FNBP1: variants seen among roughly 807,000 people sequenced by gnomAD.
The protein encoded by FNBP1 is formin-binding protein 1.
A neutral mutation model predicts 90.6 loss-of-function variants in FNBP1; 26 were observed. That is an observed-to-expected ratio of 0.29 (90% CI 0.21 to 0.40). The LOEUF (loss-of-function observed/expected upper bound fraction) is 0.40. Among genes scored for constraint, FNBP1 ranks in the 10% least tolerant of loss-of-function variants. The pLI is 1.00. For synonymous variants in FNBP1, 260 were observed against 265.2 expected, an observed-to-expected ratio of 0.98 and a Z score of 0.19; for missense variants, 635 against 768.0, an observed-to-expected ratio of 0.83 and a Z score of 2.05.
intron 1 of FNBP1, among the ~76,000 whole-genome samples, chr9:130,032,056 C>A (rs1230380614): frequency 6.6e-6 from 1 of 152,088 alleles, no homozygotes; most frequent in African/African-American, 2.4e-5. Flanking sequence ...CAAAAATGGC[C>A]GTAACAAGAA....
intron 1 of FNBP1, among the ~76,000 whole-genome samples, chr9:130,013,083 G>GT (rs1293240765): frequency 6.6e-6 from 1 of 152,170 alleles, no homozygotes; most frequent in Non-Finnish European, 1.5e-5. Flanking sequence ...GAAGATATTT[G>GT]TAACACATAT....
chr9:129,932,247 TGAAAGAGAAA>T (rs2042879203), intron 6 of FNBP1, among the ~76,000 whole-genome samples: 1 of 139,692 alleles, frequency 7.2e-6, no homozygotes, highest in African/African-American at 2.7e-5. Flanking sequence ...AACAAACGAA[TGAAAGAGAAA>T]GAAAGAGAAA....
At chr9:129,997,001 T>A (rs2131352032) in intron 1 of FNBP1, among the ~76,000 whole-genome samples, 1 of 150,882 alleles carries the variant, frequency 6.6e-6, no homozygotes. Context: ...GGCCGGCCTG[T>A]TTTTTTTTAA....
chr9:129,937,029 G>T (rs775850445), intron 6 of FNBP1, among the ~76,000 whole-genome samples: 2 of 152,036 alleles, frequency 1.3e-5, no homozygotes, highest in African/African-American at 2.4e-5. Flanking sequence ...AATTAGCTAG[G>T]CATGGTGGCA....
intron 4 of FNBP1, among the ~76,000 whole-genome samples, chr9:129,974,580 C>T (rs1264852068): frequency 6.6e-6 from 1 of 152,164 alleles, no homozygotes; most frequent in East Asian, 1.9e-4. Flanking sequence ...AAAAAACAGG[C>T]CAGGCATGGG....
intron 2 of FNBP1, among the ~76,000 whole-genome samples, 151 bp from the exon 3 acceptor site, chr9:129,979,525 G>A (rs1396886769): frequency 6.6e-6 from 1 of 152,198 alleles, no homozygotes; most frequent in Non-Finnish European, 1.5e-5. Flanking sequence ...TTCAACATGT[G>A]TGATGAAGCT....
intron 7 of FNBP1, among the ~76,000 whole-genome samples, chr9:129,928,927 TA>T (rs1366536310): frequency 6.6e-6 from 1 of 151,750 alleles, no homozygotes; most frequent in Non-Finnish European, 1.5e-5. Flanking sequence ...CCTATCTCTA[TA>T]AAAAATTTAA....
At chr9:130,020,705 G>A (rs633623) in intron 1 of FNBP1, among the ~76,000 whole-genome samples, 143,677 of 152,294 alleles carry the variant, frequency 0.94, 67,845 homozygotes, top group East Asian at 0.99. Flanking sequence ...CCAACTCAGC[G>A]GAGACACAGT....
chr9:129,957,549 T>C lies in FNBP1; in HGVS notation c.409-85A>G, dbSNP rs111600303. 632 of 1,079,134 alleles carry C rather than the reference T, an allele frequency of 5.9e-4. 2 individuals are homozygous for C. The highest frequency in any genetic ancestry group is 1.1e-3 in the South Asian group (73 of 69,142). 66.8% of individuals were successfully genotyped at this position (1,079,134 alleles called of 1,614,324 possible). On this transcript the variant is annotated intron_variant, in intron 5 of 16. Transcript: ENST00000446176. This position sits in a 1 kb window ranked among gnomAD's most constrained non-coding sequence, Gnocchi z 4.3. ...ATCTAAAGCTCCCAAAGAGCATTGT[T>C]CTTTTTCTTTTTTTTTTCTTCAGTC...
intron 16 of FNBP1, among the ~76,000 whole-genome samples, chr9:129,893,441 A>T (rs1205430496): frequency 1.5e-5 from 1 of 67,726 alleles, no homozygotes; most frequent in African/African-American, 3.8e-5. Context: ...TGTCTTTACT[A>T]AAAAAAAAAA....
upstream of FNBP1, among the ~76,000 whole-genome samples, chr9:130,043,443 T>C (rs1589462074): frequency 6.6e-6 from 1 of 152,348 alleles, no homozygotes; most frequent in East Asian, 1.9e-4. Flanking sequence ...GTGACCACTG[T>C]CTGCTCGCAG....
chr9:130,043,683 C>A (rs969267683), upstream of FNBP1, among the ~76,000 whole-genome samples: 1 of 152,184 alleles, frequency 6.6e-6, no homozygotes, highest in Non-Finnish European at 1.5e-5. Flanking sequence ...GGTAACTGCG[C>A]GCTGTGCGAA....
chr9:129,914,167 T>C (rs1365001230), intron 11 of FNBP1, among the ~76,000 whole-genome samples: 1 of 151,576 alleles, frequency 6.6e-6, no homozygotes, highest in East Asian at 1.9e-4. Context: ...CACATCTTTT[T>C]TCTTTTGTCT....
chr9:129,912,005 A>G (rs1463312728), intron 11 of FNBP1, among the ~76,000 whole-genome samples: 1 of 151,994 alleles, frequency 6.6e-6, no homozygotes, highest in African/African-American at 2.4e-5. Context: ...CTGCTCCTGC[A>G]AATTAATTGA....
At chr9:130,003,751 G>A (rs542385000) in intron 1 of FNBP1, among the ~76,000 whole-genome samples, 13 of 151,108 alleles carry the variant, frequency 8.6e-5, no homozygotes, top group African/African-American at 3.2e-4. Context: ...GTGAAACCCC[G>A]GCTCTACTAA....
In FNBP1 at chr9:130,035,750, C is replaced by A. The variant is rs1312426148; in HGVS notation, c.24+7202G>T. On this transcript the variant is annotated intron_variant, in intron 1 of 16. Coordinates refer to ENST00000446176, the MANE Select transcript of FNBP1 (RefSeq NM_015033.3). ...TCACCTGAGGTCAGGAGTTTGAGAC[C>A]AGCCTGGCCAACATGGTGAAATCCC... Among the ~76,000 whole-genome samples, 4 of 152,224 alleles carry A rather than the reference C, an allele frequency of 2.6e-5. No individual in the cohort carries two copies. In the South Asian group the frequency reaches 8.3e-4, roughly 32 times the overall value.
At chr9:130,000,540 A>T (rs1032876630) in intron 1 of FNBP1, among the ~76,000 whole-genome samples, 1 of 152,188 alleles carries the variant, frequency 6.6e-6, no homozygotes, top group Non-Finnish European at 1.5e-5. Flanking sequence ...ATTATATCAT[A>T]GATATATGCA....
chr9:129,913,471 A>G (rs2039705403), intron 11 of FNBP1, among the ~76,000 whole-genome samples: 1 of 151,846 alleles, frequency 6.6e-6, no homozygotes, highest in Non-Finnish European at 1.5e-5. Context: ...TGTTCTATGT[A>G]CTAATAAAAT....
chr9:130,043,100 T>G lies in FNBP1; in HGVS notation c.-125A>C. 1.2e-6 allele frequency: 1 copy of G among 856,452 alleles called. No individual in the cohort carries two copies. The allele number at this position is 856,452 out of a possible 1,614,324, so 53.1% of individuals were successfully genotyped here. On this transcript the variant is annotated 5_prime_UTR_variant, in exon 1 of 17. Transcript: ENST00000446176. ...AAAGCCCGGAGTCCGCGCGGCCTCC[T>G]CCGGCTCGCAGCTCCTCGCCCGGGG...
Sources: gnomAD v4.1 joint callset for allele counts (sites outside exome capture counted in the v4.1 genomes callset) on GRCh38, gnomAD v4.1.1 for gene constraint, Gnocchi (gnomAD v3.1) non-coding constraint, MANE v1.5 for transcripts, NCBI Gene and HGNC (gene_info 2026-07-23, HGNC 2026-07-21) for gene names.